SUSD4: variants seen among roughly 807,000 people sequenced by gnomAD.
SUSD4 encodes the protein sushi domain containing 4, also known as sushi domain-containing protein 4.
In SUSD4, 41 loss-of-function variants were observed where a neutral mutation model predicts 50.5. That is an observed-to-expected ratio of 0.81 (90% CI 0.63 to 1.05). The LOEUF is 1.05. Among genes scored for constraint, SUSD4 ranks in the 50% least tolerant of loss-of-function variants. The pLI is 0.00. For missense variants in SUSD4, 580 were observed against 634.7 expected (o/e 0.91, Z 0.93); for synonymous variants, 257 against 257.3 (o/e 1.00, Z 0.01).
chr1:223,291,433 G>C (rs1664480104), intron 3 of SUSD4, among the ~76,000 whole-genome samples: 1 of 133,336 alleles, frequency 7.5e-6, no homozygotes, highest in South Asian at 2.4e-4. Context: ...AGGTTGCAGT[G>C]AGCCAAGATT....
intron 3 of SUSD4, among the ~76,000 whole-genome samples, chr1:223,277,542 G>T (rs1663369301): frequency 6.6e-6 from 1 of 151,956 alleles, no homozygotes; most frequent in Admixed American, 6.5e-5. Flanking sequence ...CCCAGGCATA[G>T]GTTGAAATAC....
At chr1:223,235,220 T>C (rs1660139996) in intron 5 of SUSD4, 1 of 1,084,606 alleles carries the variant, frequency 9.2e-7, no homozygotes, top group Non-Finnish European at 1.3e-6. Context: ...AGAGCAGTTT[T>C]AGGTTCACAG....
At chr1:223,225,145 C>T (rs1462752005) in intron 7 of SUSD4, among the ~76,000 whole-genome samples, 2 of 152,038 alleles carry the variant, frequency 1.3e-5, no homozygotes, top group Non-Finnish European at 2.9e-5. Flanking sequence ...GCTGGGATTA[C>T]AGACGTGAGC....
intron 2 of SUSD4, among the ~76,000 whole-genome samples, chr1:223,300,629 A>C (rs1045186662): frequency 6.6e-6 from 1 of 151,806 alleles, no homozygotes; most frequent in African/African-American, 2.4e-5. Flanking sequence ...GTAAACTGCT[A>C]TATGAGGCTT....
At chr1:223,339,954 G>A (rs567675570) in intron 2 of SUSD4, among the ~76,000 whole-genome samples, 5 of 152,250 alleles carry the variant, frequency 3.3e-5, no homozygotes, top group East Asian at 1.9e-4. Flanking sequence ...TCATTCCACC[G>A]GCTCCGCTCT....
chr1:223,304,827 TA>T, intron 2 of SUSD4, among the ~76,000 whole-genome samples: 1 of 50,514 alleles, frequency 2.0e-5, no homozygotes, highest in Non-Finnish European at 5.0e-5. Flanking sequence ...TATATATATA[TA>T]TATATATATA....
chr1:223,244,398 A>T, intron 5 of SUSD4, among the ~76,000 whole-genome samples: 1 of 152,162 alleles, frequency 6.6e-6, no homozygotes, highest in South Asian at 2.1e-4. Context: ...GGAGGCCAGG[A>T]AAAGGGCCCG....
intron 2 of SUSD4, among the ~76,000 whole-genome samples, chr1:223,351,758 CG>C (rs1197039124): frequency 6.6e-6 from 1 of 152,050 alleles, no homozygotes; most frequent in African/African-American, 2.4e-5. Context: ...TTCATGTGAA[CG>C]TGTGGCCATC....
At chr1:223,323,384 A>C (rs533511853) in intron 2 of SUSD4, among the ~76,000 whole-genome samples, 1 of 152,320 alleles carries the variant, frequency 6.6e-6, no homozygotes, top group Admixed American at 6.5e-5. Flanking sequence ...TCAACATGAG[A>C]TGTCCCCAGT....
chr1:223,227,597 G>C lies in SUSD4; in HGVS notation c.1058C>G (p.Pro353Arg). The C allele has an allele frequency of 6.2e-7, 1 of 1,613,732 alleles. No homozygotes were observed. Among genetic ancestry groups the C allele is most frequent in the Non-Finnish European group, 8.5e-7 (1 of 1,179,792 alleles). Residue 353 changes from proline (P) to arginine (R), a missense_variant, in exon 7 of 9, where the codon CCC becomes CGC. Pro to Arg is a moderately radical substitution (Grantham distance 103, BLOSUM62 -2). Coordinates refer to ENST00000366878, the MANE Select transcript of SUSD4 (RefSeq NM_017982.4). The surrounding 1 kb of genome is among the most constrained non-coding windows in gnomAD (Gnocchi z 4.5). ...GCTGCCAAGACATGACACTGACCTG[G>C]GGGGAAAGTGGGCCTTGAACTTGGT... ...FQTKFKAHFPPRGPPRSSSSD... is the reference protein window; with the variant it reads ...FQTKFKAHFPRRGPPRSSSSD...
At chr1:223,295,149 C>A (rs1162317491) in intron 2 of SUSD4, among the ~76,000 whole-genome samples, 3 of 152,122 alleles carry the variant, frequency 2.0e-5, no homozygotes, top group African/African-American at 7.2e-5. Flanking sequence ...GCCCAGATAG[C>A]TGGGATGAAG....
At chr1:223,318,797 A>C (rs1666389789) in intron 2 of SUSD4, among the ~76,000 whole-genome samples, 1 of 146,234 alleles carries the variant, frequency 6.8e-6, no homozygotes, top group Non-Finnish European at 1.5e-5. Context: ...GAATTGGAAA[A>C]AACTACTTTA....
intron 5 of SUSD4, among the ~76,000 whole-genome samples, chr1:223,247,142 T>G (rs1336800689): frequency 6.6e-6 from 1 of 152,180 alleles, no homozygotes. Flanking sequence ...CTTTAGTCTG[T>G]GCATTCACAT....
intron 5 of SUSD4, among the ~76,000 whole-genome samples, chr1:223,239,252 T>C (rs1299836226): frequency 6.6e-6 from 1 of 152,056 alleles, no homozygotes; most frequent in African/African-American, 2.4e-5. Context: ...GGGTTTCTTG[T>C]AAAAAACAGA....
At chr1:223,233,167 G>T (rs1032894630) in intron 5 of SUSD4, among the ~76,000 whole-genome samples, 1 of 152,136 alleles carries the variant, frequency 6.6e-6, no homozygotes, top group Non-Finnish European at 1.5e-5. Context: ...CATTGTAGAG[G>T]CCTTAACTCT....
intron 7 of SUSD4, among the ~76,000 whole-genome samples, chr1:223,225,282 T>G (rs1475751871): frequency 6.6e-6 from 1 of 152,022 alleles, no homozygotes; most frequent in African/African-American, 2.4e-5. Context: ...AATCTCTGAG[T>G]GCTGGCGGCA....
chr1:223,310,575 CA>C (rs1161433344), intron 2 of SUSD4, among the ~76,000 whole-genome samples: 2 of 151,922 alleles, frequency 1.3e-5, no homozygotes, highest in African/African-American at 2.4e-5. Flanking sequence ...AGGGAATACA[CA>C]AAAAAGACGT....
intron 2 of SUSD4, among the ~76,000 whole-genome samples, chr1:223,345,304 A>T (rs1667969051): frequency 6.6e-6 from 1 of 152,094 alleles, no homozygotes; most frequent in Non-Finnish European, 1.5e-5. Context: ...GTAATGCTGT[A>T]TCTTGGCTCC....
At chr1:223,361,847 C>T (rs1668999802) in intron 2 of SUSD4, among the ~76,000 whole-genome samples, 1 of 152,196 alleles carries the variant, frequency 6.6e-6, no homozygotes, top group Admixed American at 6.5e-5. Context: ...CAATACTGTT[C>T]TGCCCGTCTA....
Sources: gnomAD v4.1 joint callset for allele counts (sites outside exome capture counted in the v4.1 genomes callset) on GRCh38, gnomAD v4.1.1 for gene constraint, Gnocchi (gnomAD v3.1) non-coding constraint, MANE v1.5 for transcripts, NCBI Gene and HGNC (gene_info 2026-07-23, HGNC 2026-07-21) for gene names.